FAT3: variants seen among roughly 807,000 people sequenced by gnomAD.
FAT3 encodes protocadherin Fat 3.
Under a neutral mutation model 310.2 loss-of-function variants are expected in FAT3, and 95 were observed. The ratio of observed to expected loss-of-function variants is 0.31; its 90% CI spans 0.26 to 0.36. FAT3 has a LOEUF of 0.36. Among genes scored for constraint, FAT3 ranks in the 10% least tolerant of loss-of-function variants. FAT3 has a pLI of 1.00. For missense variants in FAT3, 5,408 were observed against 5,715.6 expected (o/e 0.95, Z 1.74); for synonymous variants, 2,314 against 2,192.9 (o/e 1.06, Z -1.54).
intron 3 of FAT3, among the ~76,000 whole-genome samples, chr11:92,589,194 C>T (rs1045279379): frequency 5.9e-5 from 9 of 152,142 alleles, no homozygotes; most frequent in Admixed American, 3.3e-4. Flanking sequence ...CATGGCTTGA[C>T]TTTTACATTG....
chr11:92,525,000 T>C (rs951025096), intron 3 of FAT3, 52 bp downstream of exon 3: 1 of 1,400,826 alleles, frequency 7.1e-7, no homozygotes, highest in Admixed American at 1.8e-5. Flanking sequence ...AGCCTTTAAA[T>C]TCATCAGCCT....
chr11:92,776,977 C>T (rs893702802), intron 7 of FAT3, among the ~76,000 whole-genome samples: 3 of 152,100 alleles, frequency 2.0e-5, no homozygotes, highest in African/African-American at 7.2e-5. Flanking sequence ...GAATGCTTCT[C>T]TGAATTAGTC....
chr11:92,389,241 G>C (rs1322984733), intron 2 of FAT3, among the ~76,000 whole-genome samples: 1 of 152,142 alleles, frequency 6.6e-6, no homozygotes, highest in Non-Finnish European at 1.5e-5. Context: ...AGACTGGGTG[G>C]CTTAAACAAC....
At chr11:92,786,796 A>T (rs1946905369) in intron 7 of FAT3, among the ~76,000 whole-genome samples, 3 of 152,216 alleles carry the variant, frequency 2.0e-5, no homozygotes, top group Non-Finnish European at 4.4e-5. Context: ...AAAAATGGGC[A>T]CAAGGCTCTT....
intron 2 of FAT3, among the ~76,000 whole-genome samples, chr11:92,483,263 C>T (rs1952284086): frequency 6.6e-6 from 1 of 152,108 alleles, no homozygotes; most frequent in African/African-American, 2.4e-5. Context: ...ACCCTGACTG[C>T]TTTCATAATC....
At chr11:92,659,630 T>C (rs1942706982) in intron 3 of FAT3, among the ~76,000 whole-genome samples, 1 of 152,208 alleles carries the variant, frequency 6.6e-6, no homozygotes, top group Admixed American at 6.5e-5. Context: ...AACATTGGTT[T>C]CTTGTGAAAT....
chr11:92,808,024 C>A (rs544200107), intron 12 of FAT3, among the ~76,000 whole-genome samples: 47 of 152,162 alleles, frequency 3.1e-4, no homozygotes, highest in Non-Finnish European at 6.6e-4. Context: ...TAAGAGGTTG[C>A]ATCCTACAAG....
In FAT3 at chr11:92,795,998, C is replaced by T. The variant is rs115414795; in HGVS notation, c.4823-1838C>T. On this transcript the variant is annotated intron_variant, in intron 9 of 27. Transcript: ENST00000525166. Reference sequence around the variant, plus strand: ...TCTTTCTGGGCATGAAGAAATCTGCCGGGTGTGGAGTGAGGGAGGACTTAC... The same window carrying T: ...TCTTTCTGGGCATGAAGAAATCTGCTGGGTGTGGAGTGAGGGAGGACTTAC... Among the ~76,000 whole-genome samples, 1,246 of 152,154 alleles carry T rather than the reference C, an allele frequency of 8.2e-3. 15 individuals are homozygous for T. Among genetic ancestry groups the T allele is most frequent in the African/African-American group, 0.028 (1,178 of 41,506 alleles).
intron 3 of FAT3, among the ~76,000 whole-genome samples, chr11:92,685,522 G>A (rs1943607255): frequency 6.6e-6 from 1 of 151,566 alleles, no homozygotes; most frequent in South Asian, 2.1e-4. Flanking sequence ...ATGGAAGCAT[G>A]TGTGTGTGTG....
intron 3 of FAT3, among the ~76,000 whole-genome samples, chr11:92,632,448 G>A (rs1941591244): frequency 6.6e-6 from 1 of 152,186 alleles, no homozygotes; most frequent in Non-Finnish European, 1.5e-5. Flanking sequence ...GGAGCTGTAT[G>A]CAGTGAGGGG....
chr11:92,848,956 G>A (rs1050419780), intron 19 of FAT3, among the ~76,000 whole-genome samples: 3 of 152,252 alleles, frequency 2.0e-5, no homozygotes, highest in Admixed American at 6.5e-5. Context: ...AAGAACTGGT[G>A]TGCAATTCAG....
At chr11:92,761,835 A>T (rs559797685) in intron 4 of FAT3, 21 bp from the exon 5 acceptor site, 1 of 1,598,352 alleles carries the variant, frequency 6.3e-7, no homozygotes, top group South Asian at 1.1e-5. Context: ...CTTTCTGATC[A>T]CATCATACTC....
At position 92,354,535 on chromosome 11, in the gene FAT3, A is replaced by G. The variant is rs1373762431; in HGVS notation, c.2423A>G (p.Asn808Ser). ...LLNITIYDLGNPQKSSWRLLT... is the reference protein window; with the variant it reads ...LLNITIYDLGSPQKSSWRLLT... ...AATATCACCATCTATGACTTAGGTAATCCACAGAAATCGTCATGGAGACTG... is the reference window on the plus strand; with the variant it reads ...AATATCACCATCTATGACTTAGGTAGTCCACAGAAATCGTCATGGAGACTG... The change falls in exon 2 of 28, where the codon AAT (asparagine) becomes AGT (serine). Residue 808 changes from asparagine to serine, a missense_variant. Physicochemically the swap from Asn to Ser is conservative, Grantham distance 46. Transcript: ENST00000525166. 2.5e-6 allele frequency: 4 copies of G among 1,613,766 alleles called. No individual in the cohort carries two copies. The African/African-American group carries it at 4.0e-5, about 16-fold the overall frequency.
Position 92,353,712 on chromosome 11 carries a change from C to T in FAT3, c.1600C>T (p.Leu534=). The T allele has an allele frequency of 6.2e-7, 1 of 1,613,932 alleles. No homozygotes were observed. The highest frequency in any genetic ancestry group is 8.5e-7 in the Non-Finnish European group (1 of 1,179,876). The change falls in exon 2 of 28, where the codon CTG becomes TTG. Residue 534 remains leucine, a synonymous_variant. Transcript: ENST00000525166. ...FTGVISTTEE[L]DFESSPEIYR... The stretch of plus-strand genomic sequence containing the variant: ...AGGTGTTATTAGCACAACTGAAGAA[C>T]TGGATTTTGAATCCTCCCCAGAAAT...
chr11:92,700,085 A>C (rs943518776), intron 4 of FAT3, among the ~76,000 whole-genome samples: 3 of 152,218 alleles, frequency 2.0e-5, no homozygotes, highest in African/African-American at 7.2e-5. Context: ...TAAATGCTGT[A>C]ACTTCAGAAA....
chr11:92,890,007 T>A, intron 27 of FAT3, 116 bp downstream of exon 27: 2 of 715,382 alleles, frequency 2.8e-6, no homozygotes, highest in South Asian at 3.0e-5. Flanking sequence ...GTCTCAGGTG[T>A]CTCGTGCGCT....
At chr11:92,373,601 A>T (rs1396321620) in intron 2 of FAT3, among the ~76,000 whole-genome samples, 2 of 152,136 alleles carry the variant, frequency 1.3e-5, no homozygotes, top group African/African-American at 4.8e-5. Flanking sequence ...ATATTATGCA[A>T]TATATAGTAT....
intron 2 of FAT3, among the ~76,000 whole-genome samples, chr11:92,396,039 C>T (rs1469886219): frequency 6.6e-6 from 1 of 152,188 alleles, no homozygotes; most frequent in Non-Finnish European, 1.5e-5. Flanking sequence ...CCTACAGCCA[C>T]TTCACTCTAA....
At chr11:92,497,888 G>A (rs1001769862) in intron 2 of FAT3, among the ~76,000 whole-genome samples, 1 of 151,954 alleles carries the variant, frequency 6.6e-6, no homozygotes, top group Non-Finnish European at 1.5e-5. Context: ...TTCTGCAAGC[G>A]AAACAGGCAT....
Sources: gnomAD v4.1 joint callset for allele counts (sites outside exome capture counted in the v4.1 genomes callset) on GRCh38, gnomAD v4.1.1 for gene constraint, MANE v1.5 for transcripts, NCBI Gene and HGNC (gene_info 2026-07-23, HGNC 2026-07-21) for gene names.